MYH11: variants seen among roughly 807,000 people sequenced by gnomAD.
MYH11 encodes myosin-11.
MYH11 carries 80 observed loss-of-function variants against 246.6 expected under a neutral mutation model. The ratio of observed to expected loss-of-function variants is 0.32; its 90% CI spans 0.27 to 0.39. The LOEUF (loss-of-function observed/expected upper bound fraction) is 0.39. MYH11 is among the 10% of genes least tolerant of loss of function. The pLI is 1.00. For synonymous variants in MYH11, 1,071 were observed against 1,015.5 expected, an observed-to-expected ratio of 1.05 and a Z score of -1.04; for missense variants, 2,158 against 2,546.8, an observed-to-expected ratio of 0.85 and a Z score of 3.29.
chr16:15,806,254 G>A (rs1276205273), intron 3 of MYH11, among the ~76,000 whole-genome samples: 1 of 128,930 alleles, frequency 7.8e-6, no homozygotes, highest in African/African-American at 3.0e-5. Context: ...TCCAGCCCGG[G>A]CGAGTGCAGT....
At chr16:15,818,095 C>T (rs2043307739) in intron 3 of MYH11, among the ~76,000 whole-genome samples, 1 of 152,204 alleles carries the variant, frequency 6.6e-6, no homozygotes, top group South Asian at 2.1e-4. Flanking sequence ...TGTGACACAA[C>T]TGCAATGCTT....
At position 15,708,139 on chromosome 16, in the gene MYH11, G is replaced by A. The variant is rs1375663887; in HGVS notation, c.5787-4016C>T. Among the ~76,000 whole-genome samples, 5 of 152,094 alleles carry A rather than the reference G, an allele frequency of 3.3e-5. No individual in the cohort carries two copies. In the South Asian group the frequency reaches 1.0e-3, roughly 32 times the overall value. On this transcript the variant is annotated intron_variant, in intron 40 of 40. Coordinates refer to ENST00000300036, the MANE Select transcript of MYH11 (RefSeq NM_002474.3). The stretch of plus-strand genomic sequence containing the variant: ...CAGGACTGTGCTTGGCTTTGCGGTG[G>A]TCAGCTTCCACCCCGTGTGCTGAAA...
Position 15,714,878 on chromosome 16 carries a change from A to T in MYH11, c.5786+31T>A, listed in dbSNP as rs929859985. ...CCAGTGCTTTTCTCTGGCCTGAGAG[A>T]CGGGGTCCTCCCGGGCCACGGGCTC... On this transcript the variant is annotated intron_variant, in intron 40 of 40. Transcript: ENST00000300036. The T allele has an allele frequency of 2.5e-6, 4 of 1,611,858 alleles. No homozygotes were observed. In the African/African-American group the frequency reaches 4.0e-5, roughly 16 times the overall value.
intron 2 of MYH11, among the ~76,000 whole-genome samples, chr16:15,826,152 TCA>T (rs1424573432): frequency 6.6e-6 from 1 of 151,902 alleles, no homozygotes; most frequent in Non-Finnish European, 1.5e-5. Flanking sequence ...GTTCATTCAT[TCA>T]TTCATTCATT....
chr16:15,750,108 G>C lies in MYH11; in HGVS notation c.2058+30C>G. On this transcript the variant is annotated intron_variant, in intron 16 of 40. Coordinates refer to ENST00000300036, the MANE Select transcript of MYH11 (RefSeq NM_002474.3). The surrounding 1 kb of genome is among the most constrained non-coding windows in gnomAD (Gnocchi z 4.3). ...CGCTTGGGACAGCCCTGGCTTCTGG[G>C]AGCCCCAGGGTCTGGGCGGCGGGCC... 1 of 1,613,042 alleles carries C rather than the reference G, an allele frequency of 6.2e-7. No individual in the cohort carries two copies. Among genetic ancestry groups the C allele is most frequent in the Non-Finnish European group, 8.5e-7 (1 of 1,179,346 alleles).
chr16:15,743,735 C>T (rs1281373371), intron 20 of MYH11, among the ~76,000 whole-genome samples: 1 of 152,286 alleles, frequency 6.6e-6, no homozygotes, highest in East Asian at 1.9e-4. Flanking sequence ...AGGTCAGGGA[C>T]CATGGTGTGT....
chr16:15,707,071 C>A (rs963159140), intron 40 of MYH11, among the ~76,000 whole-genome samples: 1 of 152,090 alleles, frequency 6.6e-6, no homozygotes, highest in Admixed American at 6.6e-5. Flanking sequence ...TAGAGTCTCG[C>A]TGTGTTGCCC....
chr16:15,738,456 T>C, intron 24 of MYH11, 109 bp downstream of exon 24: 1 of 1,073,026 alleles, frequency 9.3e-7, no homozygotes, highest in African/African-American at 1.6e-5. Flanking sequence ...CGGGCTGCAG[T>C]GAGCCATGAT....
At chr16:15,722,824 T>C (rs1281659592) in intron 31 of MYH11, among the ~76,000 whole-genome samples, 4 of 152,132 alleles carry the variant, frequency 2.6e-5, no homozygotes, top group African/African-American at 9.7e-5. Context: ...CACTGCAACC[T>C]CCACCCCACC....
intron 1 of MYH11, among the ~76,000 whole-genome samples, chr16:15,853,675 G>T (rs937439445): frequency 1.3e-5 from 2 of 152,178 alleles, no homozygotes; most frequent in Admixed American, 1.3e-4. Flanking sequence ...AAGGTCAGGA[G>T]TGGAAGGAGA....
At chr16:15,763,970 T>G (rs552707399) in intron 9 of MYH11, 79 bp from the exon 10 acceptor site, 46 of 1,115,186 alleles carry the variant, frequency 4.1e-5, no homozygotes, top group Middle Eastern at 5.1e-4. Context: ...CTAAAGCCAC[T>G]GGGGACCCAG....
At chr16:15,726,008 C>G (rs1003109951) in intron 28 of MYH11, 6 of 280,862 alleles carry the variant, frequency 2.1e-5, no homozygotes, top group Admixed American at 5.3e-5. Context: ...GGCTGTATGT[C>G]TCTCTCCTAA....
chr16:15,813,779 G>T (rs2043193030), intron 3 of MYH11, among the ~76,000 whole-genome samples: 2 of 151,532 alleles, frequency 1.3e-5, no homozygotes, highest in Admixed American at 1.3e-4. Context: ...GAAAGCTGGA[G>T]CCCAGGAGTT....
rs1344686228 is a variant in MYH11 at position 15,763,801 on chromosome 16, T to C, written c.1124A>G (p.Asn375Ser). The change falls in exon 10 of 41, where the codon AAC (asparagine) becomes AGC (serine). Residue 375 changes from asparagine (N) to serine (S), a missense_variant. Physicochemically the swap from Asn to Ser is conservative, Grantham distance 46. This residue lies in a region of MYH11 where 317 missense variants were observed against 507.7 expected (regional missense o/e 0.62). Transcript: ENST00000300036. Reference protein sequence around the residue: ...RNTDQASMPDNTAAQKVCHLM... With the variant: ...RNTDQASMPDSTAAQKVCHLM... ...CAGGAAAAAGTGGCAAGTACCTGTG[T>C]TATCTGGCATGGACGCCTGGTCTGT... 7.1e-7 allele frequency: 1 copy of C among 1,401,492 alleles called. No homozygotes were observed. Among genetic ancestry groups the C allele is most frequent in the African/African-American group, 1.6e-5 (1 of 63,782 alleles). 86.8% of individuals were successfully genotyped at this position (1,401,492 alleles called of 1,614,324 possible).
chr16:15,840,503 A>G (rs1330696874), intron 1 of MYH11, among the ~76,000 whole-genome samples: 1 of 152,206 alleles, frequency 6.6e-6, no homozygotes, highest in African/African-American at 2.4e-5. Flanking sequence ...AAGCTGAGAC[A>G]GGAGGATCCC....
At position 15,703,685 on chromosome 16, in the gene MYH11, C is replaced by CT. The variant is rs2039303518; in HGVS notation, c.*305dup. 1 of 454,130 alleles carries CT rather than the reference C, an allele frequency of 2.2e-6. No individual in the cohort carries two copies. The highest frequency in any genetic ancestry group is 4.1e-6 in the Non-Finnish European group (1 of 244,166). The allele number at this position is 454,130 out of a possible 1,614,324, so 28.1% of individuals were successfully genotyped here. The stretch of plus-strand genomic sequence containing the variant: ...CTCATTGCAGCCTCGAAGTCCTGGG[C>CT]TGGAGCGTTCTTCCTGGCTCAGCCT... On this transcript the variant is annotated 3_prime_UTR_variant, in exon 41 of 41. Coordinates refer to ENST00000300036, the MANE Select transcript of MYH11 (RefSeq NM_002474.3).
Position 15,790,789 on chromosome 16 carries a change from GCAGCTGGGAAGAACCA to G in MYH11, c.531-4073_531-4058del, listed in dbSNP as rs112060791. Among the ~76,000 whole-genome samples the G allele has an allele frequency of 5.4e-3, 824 of 152,144 alleles. 9 individuals carry two copies. The highest frequency in any genetic ancestry group is 0.018 in the African/African-American group (765 of 41,526). On this transcript the variant is annotated intron_variant, in intron 4 of 40. Transcript: ENST00000300036. ...AGTCCTTTTAATCAGTCCAGCCCCA[GCAGCTGGGAAGAACCA>G]CCCAATGGCCACTTAATCCCCCAGC...
chr16:15,760,127 C>T (rs2041834542), intron 11 of MYH11, among the ~76,000 whole-genome samples: 2 of 151,918 alleles, frequency 1.3e-5, no homozygotes, highest in South Asian at 4.2e-4. Flanking sequence ...CAAACAAAAC[C>T]TGACATGGGA....
intron 27 of MYH11, among the ~76,000 whole-genome samples, chr16:15,727,491 G>T (rs1038764592): frequency 6.6e-6 from 1 of 151,980 alleles, no homozygotes; most frequent in East Asian, 1.9e-4. Context: ...GTGAGCTGCC[G>T]CACCCAGCTG....
Sources: allele counts gnomAD v4.1 joint callset (sites outside exome capture counted in the v4.1 genomes callset), GRCh38; gene constraint gnomAD v4.1.1; regional missense constraint gnomAD v4.1.1; non-coding constraint Gnocchi (gnomAD v3.1); transcripts MANE v1.5; gene names NCBI Gene and HGNC (gene_info 2026-07-23, HGNC 2026-07-21).